ANK2: variants seen among roughly 807,000 people sequenced by gnomAD.
ANK2 encodes the protein ankyrin-2.
Under a neutral mutation model 360.5 loss-of-function variants are expected in ANK2, and 83 were observed. That is an observed-to-expected ratio of 0.23 (90% confidence interval 0.19 to 0.28). The LOEUF (loss-of-function observed/expected upper bound fraction) is 0.28. Among genes scored for constraint, ANK2 ranks in the 10% least tolerant of loss-of-function variants. ANK2 has a pLI of 1.00. For missense variants in ANK2, 4,201 were observed against 4,795.7 expected (o/e 0.88, Z 3.66); for synonymous variants, 1,740 against 1,759.5 (o/e 0.99, Z 0.28).
At chr4:113,151,225 G>A in intron 1 of ANK2, 1 of 924,036 alleles carries the variant, frequency 1.1e-6, no homozygotes. Flanking sequence ...TACCCTTACT[G>A]CAATTGCACA....
intron 1 of ANK2, chr4:113,149,295 A>G (rs1400622208): frequency 2.6e-5 from 4 of 152,136 alleles, no homozygotes; most frequent in African/African-American, 9.7e-5. Flanking sequence ...TGTGTGTGTG[A>G]GAGAATGAGT....
chr4:113,205,267 A>G (rs1295528419), intron 4 of ANK2, among the ~76,000 whole-genome samples: 1 of 150,518 alleles, frequency 6.6e-6, no homozygotes, highest in Non-Finnish European at 1.5e-5. Flanking sequence ...AGACTTAAAT[A>G]TAATTTCTGA....
At chr4:113,205,283 G>T (rs971600461) in intron 4 of ANK2, among the ~76,000 whole-genome samples, 2 of 148,232 alleles carry the variant, frequency 1.3e-5, no homozygotes, top group Non-Finnish European at 3.0e-5. Flanking sequence ...TCTGAAATTG[G>T]TGATGTCCTT....
At position 113,356,909 on chromosome 4, in the gene ANK2, G is replaced by T. The variant is rs1187145076; in HGVS notation, c.8291G>T (p.Arg2764Ile). 6.2e-7 allele frequency: 1 copy of T among 1,614,054 alleles called. No individual in the cohort carries two copies. The highest frequency in any genetic ancestry group is 8.5e-7 in the Non-Finnish European group (1 of 1,179,978). Reference sequence around the variant, plus strand: ...GACAGGTCTTATGATAAGCTAAACAGAGACACTGATCAGCCAAAAATCTGT... The same window carrying T: ...GACAGGTCTTATGATAAGCTAAACATAGACACTGATCAGCCAAAAATCTGT... ...AEDRSYDKLN[R>I]DTDQPKICDG... Residue 2764 changes from arginine (R) to isoleucine (I), a missense_variant, in exon 38 of 46, where the codon AGA becomes ATA. By Grantham distance (97) the Arg-to-Ile change is moderately conservative. Coordinates refer to ENST00000357077, the MANE Select transcript of ANK2 (RefSeq NM_001148.6).
At chr4:112,980,249 C>T (rs918049440) in intron 2 of ANK2, 1 of 152,472 alleles carries the variant, frequency 6.6e-6, no homozygotes, top group East Asian at 1.9e-4. Flanking sequence ...CTTTGCTCCA[C>T]ACCGGAGGGG....
At chr4:113,050,850 A>G (rs1035908959) in intron 1 of ANK2, among the ~76,000 whole-genome samples, 2 of 152,232 alleles carry the variant, frequency 1.3e-5, no homozygotes, top group African/African-American at 4.8e-5. Context: ...TCAAAATTCT[A>G]GATGTCTAGT....
Position 113,277,829 on chromosome 4 carries a change from AT to A in ANK2, c.1684-4del. ...ATACGATTTTACTTTTGTTTCTCAC[AT>A]TTTCAGAAGGGTTTTACTCCCCTGC... On this transcript the variant is annotated splice_region_variant and splice_polypyrimidine_tract_variant and intron_variant, in intron 15 of 45. Coordinates refer to ENST00000357077, the MANE Select transcript of ANK2 (RefSeq NM_001148.6). 1 of 1,606,204 alleles carries A rather than the reference AT, an allele frequency of 6.2e-7. No homozygotes were observed. Among genetic ancestry groups the A allele is most frequent in the Non-Finnish European group, 8.5e-7 (1 of 1,172,864 alleles).
At chr4:112,867,401 T>A (rs888563313) in intron 1 of ANK2, among the ~76,000 whole-genome samples, 36 of 152,018 alleles carry the variant, frequency 2.4e-4, no homozygotes, top group Admixed American at 1.3e-3. Flanking sequence ...TTGTTTTTTT[T>A]AAATTGAGAT....
intron 1 of ANK2, among the ~76,000 whole-genome samples, chr4:113,092,768 T>C (rs981535917): frequency 7.9e-5 from 12 of 152,186 alleles, no homozygotes; most frequent in African/African-American, 2.2e-4. Flanking sequence ...ATATAGAATA[T>C]TGTCCACATA....
intron 2 of ANK2, among the ~76,000 whole-genome samples, chr4:112,942,232 A>C (rs1489759411): frequency 6.6e-6 from 1 of 152,008 alleles, no homozygotes; most frequent in Non-Finnish European, 1.5e-5. Context: ...GCAATTAATT[A>C]ATTATCTGTT....
At chr4:112,797,020 A>G in the ANK2 span, 8 of 179,070 alleles carry the variant, frequency 4.5e-5, no homozygotes, top group East Asian at 2.4e-4. Context: ...AGTTTGCCCA[A>G]CTGTGTTATT....
chr4:113,093,495 C>G (rs1030856873), intron 1 of ANK2, among the ~76,000 whole-genome samples: 1 of 152,026 alleles, frequency 6.6e-6, no homozygotes, highest in Non-Finnish European at 1.5e-5. Context: ...TCCACCATTA[C>G]GACTGGCTAA....
At chr4:113,252,638 C>T (rs2047080947) in intron 10 of ANK2, among the ~76,000 whole-genome samples, 1 of 152,182 alleles carries the variant, frequency 6.6e-6, no homozygotes, top group African/African-American at 2.4e-5. Context: ...TCACTCTCTT[C>T]AGAACCCCAA....
Position 113,357,435 on chromosome 4 carries a change from T to C in ANK2, c.8817T>C (p.Ser2939=). 1 of 1,614,070 alleles carries C rather than the reference T, an allele frequency of 6.2e-7. No homozygotes were observed. Among genetic ancestry groups the C allele is most frequent in the Non-Finnish European group, 8.5e-7 (1 of 1,179,972 alleles). ...ENVPSQSFFS[S]EESKTQTDAN... is the part of the protein sequence containing the mutation. ...TCCCTTCCCAATCTTTTTTCTCTAG[T>C]GAAGAAAGCAAAACCCAAACAGATG... The change falls in exon 38 of 46, where the codon AGT becomes AGC. Residue 2939 remains serine, a synonymous_variant. Coordinates refer to ENST00000357077, the MANE Select transcript of ANK2 (RefSeq NM_001148.6).
At chr4:113,070,692 C>T (rs1032594766) in intron 1 of ANK2, among the ~76,000 whole-genome samples, 2 of 152,020 alleles carry the variant, frequency 1.3e-5, no homozygotes, top group African/African-American at 4.8e-5. Context: ...CTTGTTCACC[C>T]GACATTACAT....
At chr4:112,901,146 G>A (rs2150859517) in intron 1 of ANK2, among the ~76,000 whole-genome samples, 1 of 152,260 alleles carries the variant, frequency 6.6e-6, no homozygotes, top group East Asian at 1.9e-4. Context: ...CTTATACACT[G>A]TTAGCACTTC....
chr4:113,322,133 T>A (rs2086633130), intron 26 of ANK2, among the ~76,000 whole-genome samples: 1 of 152,194 alleles, frequency 6.6e-6, no homozygotes, highest in East Asian at 1.9e-4. Context: ...TAAAGGGATT[T>A]TACATTAATA....
At chr4:113,315,058 T>A (rs920707161) in intron 24 of ANK2, among the ~76,000 whole-genome samples, 3 of 152,220 alleles carry the variant, frequency 2.0e-5, no homozygotes, top group Admixed American at 1.3e-4. Flanking sequence ...TATCACTTTG[T>A]CTCCTTCTTT....
the ANK2 span, among the ~76,000 whole-genome samples, chr4:112,757,626 A>G: frequency 3.9e-5 from 6 of 152,216 alleles, no homozygotes; most frequent in Admixed American, 1.3e-4. Context: ...TAACTTTTGG[A>G]CAGTTTATCA....
Sources: allele counts gnomAD v4.1 joint callset (sites outside exome capture counted in the v4.1 genomes callset), GRCh38; gene constraint gnomAD v4.1.1; transcripts MANE v1.5; gene names NCBI Gene and HGNC (gene_info 2026-07-23, HGNC 2026-07-21).